BANP: variants seen among roughly 807,000 people sequenced by gnomAD.
The protein encoded by BANP is BTG3 associated nuclear protein.
Under a neutral mutation model 68.1 loss-of-function variants are expected in BANP, and 11 were observed. The ratio of observed to expected loss-of-function variants is 0.16; its 90% confidence interval spans 0.10 to 0.27. The LOEUF (loss-of-function observed/expected upper bound fraction) is 0.27, where lower values mean the gene tolerates loss of function less well. Among genes scored for constraint, BANP ranks in the 10% least tolerant of loss-of-function variants. BANP has a pLI of 1.00. For missense variants in BANP, 504 were observed against 722.7 expected (o/e 0.70, Z 3.47); for synonymous variants, 329 against 303.2 (o/e 1.09, Z -0.88).
chr16:87,990,080 G>C (rs1219069103), intron 4 of BANP, among the ~76,000 whole-genome samples: 3 of 152,194 alleles, frequency 2.0e-5, no homozygotes, highest in African/African-American at 7.2e-5. Flanking sequence ...CGGATTTTCT[G>C]CTTTGTTTTC....
intron 6 of BANP, among the ~76,000 whole-genome samples, chr16:88,017,948 G>A (rs958370637): frequency 6.6e-6 from 1 of 152,272 alleles, no homozygotes; most frequent in South Asian, 2.1e-4. Flanking sequence ...CGGGGGCGAC[G>A]CCAGGCCGGC....
intron 12 of BANP, among the ~76,000 whole-genome samples, chr16:88,069,974 A>G (rs533478044): frequency 6.6e-6 from 1 of 152,008 alleles, no homozygotes; most frequent in African/African-American, 2.4e-5. Context: ...CCCCAGCCCC[A>G]GTCAGCATGC....
chr16:88,058,759 C>T (rs756409212), intron 11 of BANP, among the ~76,000 whole-genome samples: 49 of 152,144 alleles, frequency 3.2e-4, no homozygotes, highest in Non-Finnish European at 6.2e-4. Context: ...CTGCTCTTGG[C>T]TGCATTGTGT....
intron 1 of BANP, among the ~76,000 whole-genome samples, chr16:87,964,246 C>G (rs1345952671): frequency 6.6e-6 from 1 of 152,258 alleles, no homozygotes; most frequent in East Asian, 1.9e-4. Context: ...GGACTCATCA[C>G]AGACGTATTC....
At chr16:87,959,515 G>A (rs1444228684) in intron 1 of BANP, among the ~76,000 whole-genome samples, 2 of 152,214 alleles carry the variant, frequency 1.3e-5, no homozygotes, top group East Asian at 3.9e-4. Context: ...CGAGGGAGGC[G>A]GCTGACCAGG....
intron 11 of BANP, among the ~76,000 whole-genome samples, chr16:88,043,354 A>G (rs1458969605): frequency 6.6e-6 from 1 of 152,138 alleles, no homozygotes; most frequent in Non-Finnish European, 1.5e-5. Flanking sequence ...TTCTTCATTG[A>G]GAGTGGAGTT....
At chr16:88,010,637 C>T (rs1364448312) in intron 6 of BANP, among the ~76,000 whole-genome samples, 2 of 152,278 alleles carry the variant, frequency 1.3e-5, no homozygotes, top group East Asian at 1.9e-4. Context: ...GATTTACAGA[C>T]CTCACAGTCC....
intron 1 of BANP, among the ~76,000 whole-genome samples, chr16:87,954,872 G>C (rs1198981232): frequency 6.6e-6 from 1 of 152,250 alleles, no homozygotes; most frequent in African/African-American, 2.4e-5. Context: ...GAATTTGCAA[G>C]CCTGTTCTAT....
At chr16:87,985,214 C>T (rs747620582) in intron 4 of BANP, among the ~76,000 whole-genome samples, 4 of 152,084 alleles carry the variant, frequency 2.6e-5, no homozygotes, top group Non-Finnish European at 4.4e-5. Flanking sequence ...CTGTGCTGGC[C>T]GAAGCAGTGG....
intron 4 of BANP, among the ~76,000 whole-genome samples, chr16:87,996,463 TGGGC>T (rs2067246393): frequency 2.3e-5 from 2 of 85,446 alleles, no homozygotes; most frequent in Non-Finnish European, 5.2e-5. Context: ...GGGTGCCAGC[TGGGC>T]TCTGGTTCTG....
rs111369209 is a variant in BANP, at chr16:88,057,538, A to G, written c.1312-7729A>G. Reference sequence around the variant, plus strand: ...TGAAAAACACCCCTCAGGTCGCTTCATGCTGATTCTGTTTAGGCCCCGGCT... The same window carrying G: ...TGAAAAACACCCCTCAGGTCGCTTCGTGCTGATTCTGTTTAGGCCCCGGCT... On this transcript the variant is annotated intron_variant, in intron 11 of 13. Coordinates refer to ENST00000682872, the MANE Select transcript of BANP (RefSeq NM_001386991.1). The surrounding 1 kb of genome is among the most constrained non-coding windows in gnomAD (Gnocchi z 4.6). Among the ~76,000 whole-genome samples, 1 of 152,030 alleles carries G rather than the reference A, an allele frequency of 6.6e-6. No individual in the cohort carries two copies. Among genetic ancestry groups the G allele is most frequent in the Admixed American group, 6.5e-5 (1 of 15,274 alleles).
intron 1 of BANP, chr16:87,952,197 G>A (rs1480458931): frequency 6.6e-6 from 1 of 152,290 alleles, no homozygotes; most frequent in Non-Finnish European, 1.5e-5. Flanking sequence ...GAAAGTAGAT[G>A]ACATTCCATC....
At chr16:87,949,987 C>T (rs921935635), upstream of BANP, among the ~76,000 whole-genome samples, 2 of 151,756 alleles carry the variant, frequency 1.3e-5, no homozygotes, top group African/African-American at 4.8e-5. Flanking sequence ...ACGCCATTCT[C>T]CCGCCTCAGC....
intron 3 of BANP, among the ~76,000 whole-genome samples, chr16:87,983,094 C>T (rs1277209919): frequency 6.6e-6 from 1 of 152,104 alleles, no homozygotes; most frequent in African/African-American, 2.4e-5. Context: ...TTCTGATGTG[C>T]ACACTTTGGA....
chr16:88,038,544 C>A (rs551011571), intron 11 of BANP, among the ~76,000 whole-genome samples: 8 of 150,344 alleles, frequency 5.3e-5, no homozygotes, highest in African/African-American at 2.0e-4. Flanking sequence ...CATGTTTGCA[C>A]AGATAACTCT....
At chr16:88,019,319 C>G (rs1341148403) in intron 7 of BANP, among the ~76,000 whole-genome samples, 1 of 152,134 alleles carries the variant, frequency 6.6e-6, no homozygotes, top group Non-Finnish European at 1.5e-5. Flanking sequence ...CAGAGCCCGT[C>G]TGCTTCAGAA....
intron 11 of BANP, among the ~76,000 whole-genome samples, chr16:88,043,364 T>C (rs1265252897): frequency 6.6e-6 from 1 of 152,188 alleles, no homozygotes; most frequent in African/African-American, 2.4e-5. Flanking sequence ...AGAGTGGAGT[T>C]GTGGAGAAAT....
At chr16:87,977,607 G>A (rs1447017539) in intron 2 of BANP, among the ~76,000 whole-genome samples, 2 of 152,202 alleles carry the variant, frequency 1.3e-5, no homozygotes, top group Admixed American at 6.5e-5. Context: ...AGTTTAACAG[G>A]ATAGTCAAGA....
chr16:88,007,521 A>C (rs1046692275), intron 6 of BANP, among the ~76,000 whole-genome samples: 9 of 152,224 alleles, frequency 5.9e-5, no homozygotes, highest in Admixed American at 5.9e-4. Context: ...CTGTCACCGT[A>C]AGTGACCAGA....
Sources: allele counts gnomAD v4.1 joint callset (sites outside exome capture counted in the v4.1 genomes callset), GRCh38; gene constraint gnomAD v4.1.1; non-coding constraint Gnocchi (gnomAD v3.1); transcripts MANE v1.5; gene names NCBI Gene and HGNC (gene_info 2026-07-23, HGNC 2026-07-21).